SIKE1: variants seen among roughly 807,000 people sequenced by gnomAD.
SIKE1 encodes suppressor of IKBKE 1.
In SIKE1, 13 loss-of-function variants were observed where a neutral mutation model predicts 25.8. The ratio of observed to expected loss-of-function variants is 0.50; its 90% CI spans 0.33 to 0.80. The LOEUF is 0.80. Ranked by LOEUF, SIKE1 falls within the 30% of genes least tolerant of loss-of-function variation. The pLI, the probability that SIKE1 is intolerant of heterozygous loss-of-function variation, is 0.02. For missense variants in SIKE1, 222 were observed against 252.4 expected (o/e 0.88, Z 0.82); for synonymous variants, 86 against 95.5 (o/e 0.90, Z 0.58).
At chr1:114,778,130 G>A (rs953226142) in intron 3 of SIKE1, among the ~76,000 whole-genome samples, 3 of 152,230 alleles carry the variant, frequency 2.0e-5, no homozygotes, top group South Asian at 4.1e-4. Flanking sequence ...GCATTCAATG[G>A]AATTTAAGAT....
At position 114,772,777 on chromosome 1, in the gene SIKE1, T is replaced by C. The variant is rs1662104209; in HGVS notation, c.*1494A>G. The C allele has an allele frequency of 6.6e-6, 1 of 151,482 alleles. No homozygotes were observed. Among genetic ancestry groups the C allele is most frequent in the African/African-American group, 2.4e-5 (1 of 41,004 alleles). The allele number at this position is 151,482 out of a possible 1,614,324, so 9.4% of individuals were successfully genotyped here. A position where few individuals can be genotyped will look rare whatever the true frequency, so the allele number is the denominator to read the frequency against. The stretch of plus-strand genomic sequence containing the variant: ...TAAAAAATGCTCACACTTGGAAGTG[T>C]TTTTTTTGTCAAATTCTATGCAGGA... On this transcript the variant is annotated 3_prime_UTR_variant, in exon 5 of 5. Coordinates refer to ENST00000060969, the MANE Select transcript of SIKE1 (RefSeq NM_025073.3).
At position 114,771,433 on chromosome 1, in the gene SIKE1, ACT is replaced by A. The variant is rs539589530; in HGVS notation, c.*2836_*2837del. ...GTTAGTGATTAAAAATGTGCTTAAG[ACT>A]CTGTCTGGGTTTGAATCTTGGTTCC... On this transcript the variant is annotated 3_prime_UTR_variant, in exon 5 of 5. Coordinates refer to ENST00000060969, the MANE Select transcript of SIKE1 (RefSeq NM_025073.3). The A allele has an allele frequency of 1.0e-3, 153 of 152,230 alleles. 1 individual carries two copies. Among genetic ancestry groups the A allele is most frequent in the African/African-American group, 3.4e-3 (143 of 41,540 alleles). 9.4% of individuals were successfully genotyped at this position (152,230 alleles called of 1,614,324 possible).
chr1:114,779,407 T>C, intron 2 of SIKE1, 123 bp from the exon 3 acceptor site: 1 of 1,019,572 alleles, frequency 9.8e-7, no homozygotes, highest in African/African-American at 1.6e-5. Context: ...TAAATCAATG[T>C]TTAAGTCCGC....
rs1662386977 is a variant in SIKE1, at chr1:114,780,666, T to C, written c.-59A>G. On this transcript the variant is annotated 5_prime_UTR_variant, in exon 1 of 5. Coordinates refer to ENST00000060969, the MANE Select transcript of SIKE1 (RefSeq NM_025073.3). ...AGCTACGCGACTCGCTCAGATCTTC[T>C]GGGAGTCTGTCTCAGCATTACAGGC... 43 of 1,447,086 alleles carry C rather than the reference T, an allele frequency of 3.0e-5. No homozygotes were observed. Among genetic ancestry groups the C allele is most frequent in the Middle Eastern group, 1.8e-4 (1 of 5,646 alleles). The allele number at this position is 1,447,086 out of a possible 1,614,324, so 89.6% of individuals were successfully genotyped here.
At position 114,779,145 on chromosome 1, in the gene SIKE1, A is replaced by G. The variant is rs1441365473; in HGVS notation, c.405T>C (p.Ser135=). 1 of 1,613,938 alleles carries G rather than the reference A, an allele frequency of 6.2e-7. No homozygotes were observed. The highest frequency in any genetic ancestry group is 8.5e-7 in the Non-Finnish European group (1 of 1,179,968). Residue 135 remains serine (S), a synonymous_variant, in exon 3 of 5, where the codon TCT becomes TCC. Transcript: ENST00000060969. Reference sequence around the variant, plus strand: ...GAATTTATTCAAAGTTTCTTACTGCAGAGTGAGACTGGTGAGCTTTCAGGA... The same window carrying G: ...GAATTTATTCAAAGTTTCTTACTGCGGAGTGAGACTGGTGAGCTTTCAGGA... ...EPVLKAHQSH[S]AEIESQIDRI... is the part of the protein sequence containing the mutation.
At position 114,770,278 on chromosome 1, in the gene SIKE1, T is replaced by G. The variant is rs1463350918; in HGVS notation, c.*3993A>C. On this transcript the variant is annotated 3_prime_UTR_variant, in exon 5 of 5. Transcript: ENST00000060969. ...TGTGCATGGTGGTGGGCACTTGTAA[T>G]CCCAGCGACTTGGGAGGCTGAGGCA... 2.6e-5 allele frequency: 4 copies of G among 152,490 alleles called. No homozygotes were observed. Among genetic ancestry groups the G allele is most frequent in the Non-Finnish European group, 5.9e-5 (4 of 68,300 alleles). 9.4% of individuals were successfully genotyped at this position (152,490 alleles called of 1,614,324 possible). A position where few individuals can be genotyped will look rare whatever the true frequency, so the allele number is the denominator to read the frequency against.
At chr1:114,778,468 T>C (rs1159030098) in intron 3 of SIKE1, among the ~76,000 whole-genome samples, 1 of 152,348 alleles carries the variant, frequency 6.6e-6, no homozygotes. Flanking sequence ...GAGCTTAAGT[T>C]AAATGTATAA....
At position 114,769,739 on chromosome 1, in the gene SIKE1, T is replaced by G. The variant is rs1461118897; in HGVS notation, c.*4532A>C. The G allele has an allele frequency of 6.6e-6, 1 of 152,082 alleles. No homozygotes were observed. The highest frequency in any genetic ancestry group is 1.5e-5 in the Non-Finnish European group (1 of 68,000). The allele number at this position is 152,082 out of a possible 1,614,324, so 9.4% of individuals were successfully genotyped here. Reference sequence around the variant, plus strand: ...CATATGTATTTTAGGTCTTTCTACATTCGAACAAATCTATTAAAAAGAGAG... The same window carrying G: ...CATATGTATTTTAGGTCTTTCTACAGTCGAACAAATCTATTAAAAAGAGAG... On this transcript the variant is annotated 3_prime_UTR_variant, in exon 5 of 5. Transcript: ENST00000060969.
intron 3 of SIKE1, 60 bp from the exon 4 acceptor site, chr1:114,776,519 C>CTT: frequency 9.2e-7 from 1 of 1,090,624 alleles, no homozygotes; most frequent in Non-Finnish European, 1.4e-6. Flanking sequence ...ATATAAAGAA[C>CTT]GTAAAAGCAT....
chr1:114,780,462 G>A lies in SIKE1; in HGVS notation c.146C>T (p.Ala49Val), dbSNP rs773052993. ...CCTCTGCCTGACCTGGTCCGGAAGC[G>A]CTGTCCCCGCCTCCCGCATAGCTGC... ...RVAAMREAGT[A>V]LPDQYQEDAS... The change falls in exon 1 of 5, where the codon GCG (alanine) becomes GTG (valine). Residue 49 changes from alanine (A) to valine (V), a missense_variant. Coordinates refer to ENST00000060969, the MANE Select transcript of SIKE1 (RefSeq NM_025073.3). 3.1e-6 allele frequency: 5 copies of A among 1,612,858 alleles called. No homozygotes were observed. The highest frequency in any genetic ancestry group is 4.2e-6 in the Non-Finnish European group (5 of 1,180,042).
intron 4 of SIKE1, 88 bp downstream of exon 4, chr1:114,776,258 T>C: frequency 1.2e-6 from 1 of 802,986 alleles, no homozygotes. Context: ...AAAACATCAA[T>C]ATATTACAGT....
rs3827739 is a variant in SIKE1 at position 114,773,537 on chromosome 1, T to C, written c.*734A>G. The C allele has an allele frequency of 0.24, 36,756 of 152,406 alleles. 4,619 individuals are homozygous for C. The highest frequency in any genetic ancestry group is 0.31 in the African/African-American group (12,844 of 41,520). The allele number at this position is 152,406 out of a possible 1,614,324, so 9.4% of individuals were successfully genotyped here. On this transcript the variant is annotated 3_prime_UTR_variant, in exon 5 of 5. Transcript: ENST00000060969. ...GATTATATTTAATAAAAGCTACTTT[T>C]AGTATTTGAACTAAGTGCACATGTG...
chr1:114,780,683 A>T lies in SIKE1; in HGVS notation c.-76T>A, dbSNP rs1249359374. Reference sequence around the variant, plus strand: ...AGATCTTCTGGGAGTCTGTCTCAGCATTACAGGCGTCATTTCCGGGCACGT... The same window carrying T: ...AGATCTTCTGGGAGTCTGTCTCAGCTTTACAGGCGTCATTTCCGGGCACGT... On this transcript the variant is annotated 5_prime_UTR_variant, in exon 1 of 5. An upstream start codon of the reference 5' UTR is lost. Transcript: ENST00000060969. 2 of 1,315,928 alleles carry T rather than the reference A, an allele frequency of 1.5e-6. No homozygotes were observed. Among genetic ancestry groups the T allele is most frequent in the Admixed American group, 2.5e-5 (1 of 39,348 alleles). The allele number at this position is 1,315,928 out of a possible 1,614,324, so 81.5% of individuals were successfully genotyped here.
Position 114,780,494 on chromosome 1 carries a change from C to G in SIKE1, c.114G>C (p.Arg38=). ...CCGCCTCCCGCATAGCTGCTACCCGCCGGTGCAGCGCCGCCGACTGATCCA... is the reference window on the plus strand; with the variant it reads ...CCGCCTCCCGCATAGCTGCTACCCGGCGGTGCAGCGCCGCCGACTGATCCA... The part of the protein sequence containing the change: ...SLVDQSAALH[R]RVAAMREAGT... The change falls in exon 1 of 5, where the codon CGG becomes CGC. Residue 38 remains arginine (R), a synonymous_variant. Coordinates refer to ENST00000060969, the MANE Select transcript of SIKE1 (RefSeq NM_025073.3). The G allele has an allele frequency of 1.1e-5, 18 of 1,613,528 alleles. No homozygotes were observed. Among genetic ancestry groups the G allele is most frequent in the Non-Finnish European group, 1.4e-5 (17 of 1,180,036 alleles).
Position 114,769,510 on chromosome 1 carries a change from T to C in SIKE1, c.*4761A>G, listed in dbSNP as rs1237833596. On this transcript the variant is annotated 3_prime_UTR_variant, in exon 5 of 5. Transcript: ENST00000060969. Reference sequence around the variant, plus strand: ...TAAAAAATGTATAATTTATTATATATGTATGTATTCCTTAACAATATGTTG... The same window carrying C: ...TAAAAAATGTATAATTTATTATATACGTATGTATTCCTTAACAATATGTTG... The C allele has an allele frequency of 6.6e-6, 1 of 152,182 alleles. No homozygotes were observed. The highest frequency in any genetic ancestry group is 1.5e-5 in the Non-Finnish European group (1 of 68,020). The allele number at this position is 152,182 out of a possible 1,614,324, so 9.4% of individuals were successfully genotyped here. A position where few individuals can be genotyped will look rare whatever the true frequency, so the allele number is the denominator to read the frequency against.
chr1:114,777,383 G>C (rs771642067), intron 3 of SIKE1, among the ~76,000 whole-genome samples: 5 of 152,164 alleles, frequency 3.3e-5, no homozygotes, highest in Non-Finnish European at 4.4e-5. Context: ...GAAGTGAAGA[G>C]TAGAATGCAT....
At position 114,770,743 on chromosome 1, in the gene SIKE1, G is replaced by A. The variant is rs180905383; in HGVS notation, c.*3528C>T. ...CAGCCCATTCTCTTGGCCATTCAATGTCAACACACTCCTTCAGCTAATTCT... is the reference window on the plus strand; with the variant it reads ...CAGCCCATTCTCTTGGCCATTCAATATCAACACACTCCTTCAGCTAATTCT... On this transcript the variant is annotated 3_prime_UTR_variant, in exon 5 of 5. Transcript: ENST00000060969. 10 of 152,358 alleles carry A rather than the reference G, an allele frequency of 6.6e-5. No homozygotes were observed. The East Asian group carries it at 1.9e-3, about 29-fold the overall frequency. The allele number at this position is 152,358 out of a possible 1,614,324, so 9.4% of individuals were successfully genotyped here.
rs1371826460 is a variant in SIKE1, at chr1:114,770,806, T to C, written c.*3465A>G. On this transcript the variant is annotated 3_prime_UTR_variant, in exon 5 of 5. Transcript: ENST00000060969. ...TTCAAGGGGAAAGGACTTGACAATA[T>C]AAAGTCACAGACATGTCACAGTCAC... 1 of 152,248 alleles carries C rather than the reference T, an allele frequency of 6.6e-6. No homozygotes were observed. The highest frequency in any genetic ancestry group is 1.9e-4 in the East Asian group (1 of 5,200). The allele number at this position is 152,248 out of a possible 1,614,324, so 9.4% of individuals were successfully genotyped here.
In SIKE1 at chr1:114,773,078, A is replaced by T. The variant is rs1029012476; in HGVS notation, c.*1193T>A. 2 of 152,146 alleles carry T rather than the reference A, an allele frequency of 1.3e-5. No individual in the cohort carries two copies. The highest frequency in any genetic ancestry group is 4.8e-5 in the African/African-American group (2 of 41,432). The allele number at this position is 152,146 out of a possible 1,614,324, so 9.4% of individuals were successfully genotyped here. ...GACAGGTTTAGCATTATTTCAACTA[A>T]TTCTGGGCAAATCTAAATAGAATAG... On this transcript the variant is annotated 3_prime_UTR_variant, in exon 5 of 5. Transcript: ENST00000060969.
Sources: gnomAD v4.1 joint callset for allele counts (sites outside exome capture counted in the v4.1 genomes callset) on GRCh38, gnomAD v4.1.1 for gene constraint, MANE v1.5 for transcripts, NCBI Gene and HGNC (gene_info 2026-07-23, HGNC 2026-07-21) for gene names.